IGSF21: variants seen among roughly 807,000 people sequenced by gnomAD.
The protein encoded by IGSF21 is immunoglobulin superfamily member 21.
Under a neutral mutation model 46.8 loss-of-function variants are expected in IGSF21, and 28 were observed. That is an observed-to-expected ratio of 0.60 (90% CI 0.44 to 0.82). IGSF21 has a LOEUF of 0.82. Ranked by LOEUF, IGSF21 falls within the 40% of genes least tolerant of loss-of-function variation. The probability of loss-of-function intolerance (pLI) is 0.00; values close to 1 mark genes in which losing one functional copy is unlikely to be tolerated. For missense variants in IGSF21, 624 were observed against 665.5 expected (o/e 0.94, Z 0.69); for synonymous variants, 284 against 273.6 (o/e 1.04, Z -0.38).
In IGSF21 at chr1:18,147,089, C is replaced by T. The variant is rs545489653; in HGVS notation, c.70+38891C>T. Among the ~76,000 whole-genome samples the T allele has an allele frequency of 2.6e-5, 4 of 152,336 alleles. No individual in the cohort carries two copies. In the East Asian group the frequency reaches 7.7e-4, roughly 29 times the overall value. ...GCCACTGCCACCCCAGCCCAGGCCA[C>T]CACGTGTCCACGCCTGCCATAGCCT... On this transcript the variant is annotated intron_variant, in intron 1 of 9. Transcript: ENST00000251296.
At chr1:18,292,066 C>T in intron 3 of IGSF21, 79 bp downstream of exon 3, 1 of 1,431,700 alleles carries the variant, frequency 7.0e-7, no homozygotes, top group Non-Finnish European at 9.6e-7. Context: ...AGTTCTCCAG[C>T]CCTTTCACAT....
At chr1:18,213,471 C>A (rs969576669) in intron 1 of IGSF21, among the ~76,000 whole-genome samples, 2 of 152,160 alleles carry the variant, frequency 1.3e-5, no homozygotes, top group Non-Finnish European at 2.9e-5. Flanking sequence ...GTCCTCAGAG[C>A]CCTCCCCACC....
intron 1 of IGSF21, among the ~76,000 whole-genome samples, chr1:18,223,254 C>G (rs1213869651): frequency 6.6e-6 from 1 of 152,242 alleles, no homozygotes; most frequent in Non-Finnish European, 1.5e-5. Context: ...AGTCCTTTCC[C>G]CACTCACCTG....
chr1:18,157,652 T>G (rs1381804409), intron 1 of IGSF21, among the ~76,000 whole-genome samples: 1 of 152,198 alleles, frequency 6.6e-6, no homozygotes, highest in African/African-American at 2.4e-5. Context: ...CCAGCCCGTC[T>G]TCCTCCCAGC....
At chr1:18,318,237 C>G (rs949430838) in intron 3 of IGSF21, among the ~76,000 whole-genome samples, 1 of 152,174 alleles carries the variant, frequency 6.6e-6, no homozygotes, top group Non-Finnish European at 1.5e-5. Context: ...CCCCCCGTCC[C>G]AAATTTGCAG....
At chr1:18,362,079 T>G in intron 4 of IGSF21, 36 bp from the exon 5 acceptor site, 617 of 1,429,438 alleles carry the variant, frequency 4.3e-4, no homozygotes, top group Non-Finnish European at 5.6e-4. Flanking sequence ...ATCTCCCAGT[T>G]GAGCCCTTGT....
intron 3 of IGSF21, among the ~76,000 whole-genome samples, chr1:18,311,629 T>A (rs1267981730): frequency 6.6e-6 from 1 of 152,152 alleles, no homozygotes; most frequent in Non-Finnish European, 1.5e-5. Flanking sequence ...TACCCGAGAC[T>A]GGGTAATTTA....
intron 1 of IGSF21, among the ~76,000 whole-genome samples, chr1:18,161,163 G>A (rs563605662): frequency 6.3e-4 from 96 of 152,144 alleles, no homozygotes; most frequent in Admixed American, 2.0e-3. Flanking sequence ...GCCCTCTCCC[G>A]TTTTAGCACG....
chr1:18,120,478 C>T (rs1044365948), intron 1 of IGSF21, among the ~76,000 whole-genome samples: 6 of 152,266 alleles, frequency 3.9e-5, no homozygotes, highest in Admixed American at 2.6e-4. Context: ...GGGAAGAGAA[C>T]GAGCTGGGGT....
chr1:18,318,232 C>T (rs557125046), intron 3 of IGSF21, among the ~76,000 whole-genome samples: 2 of 152,248 alleles, frequency 1.3e-5, no homozygotes, highest in African/African-American at 4.8e-5. Flanking sequence ...CCTGGCCCCC[C>T]GTCCCAAATT....
At chr1:18,289,463 G>A (rs2085246291) in intron 2 of IGSF21, among the ~76,000 whole-genome samples, 1 of 152,218 alleles carries the variant, frequency 6.6e-6, no homozygotes, top group Non-Finnish European at 1.5e-5. Context: ...GAAGCCAGAC[G>A]CTTGTCAGGA....
intron 3 of IGSF21, among the ~76,000 whole-genome samples, chr1:18,330,206 C>T (rs2085698565): frequency 6.6e-6 from 1 of 152,078 alleles, no homozygotes; most frequent in Admixed American, 6.5e-5. Flanking sequence ...AGAAAGAAAA[C>T]AGAAAAGACC....
intron 1 of IGSF21, among the ~76,000 whole-genome samples, chr1:18,161,320 G>T (rs939288224): frequency 3.3e-5 from 5 of 152,068 alleles, no homozygotes; most frequent in Non-Finnish European, 2.9e-5. Context: ...TCCCCATGCC[G>T]CAGAGGAGCA....
At chr1:18,325,328 G>A (rs1283247620) in intron 3 of IGSF21, among the ~76,000 whole-genome samples, 1 of 152,116 alleles carries the variant, frequency 6.6e-6, no homozygotes, top group African/African-American at 2.4e-5. Flanking sequence ...GGTATTTGAG[G>A]TTTGGTGAAG....
intron 2 of IGSF21, among the ~76,000 whole-genome samples, chr1:18,232,096 GA>G (rs2124510383): frequency 6.6e-6 from 1 of 151,864 alleles, no homozygotes; most frequent in African/African-American, 2.4e-5. Context: ...TGTCCAACTT[GA>G]GGATGCTTTT....
intron 3 of IGSF21, among the ~76,000 whole-genome samples, chr1:18,319,158 TCC>T (rs2085574347): frequency 6.6e-6 from 1 of 152,224 alleles, no homozygotes; most frequent in Admixed American, 6.5e-5. Flanking sequence ...GGACTCAAGC[TCC>T]TTCCCTCTTG....
chr1:18,293,888 G>T (rs2085289687), intron 3 of IGSF21, among the ~76,000 whole-genome samples: 1 of 152,154 alleles, frequency 6.6e-6, no homozygotes, highest in South Asian at 2.1e-4. Context: ...GGACCATCTA[G>T]AACATTCCTG....
intron 2 of IGSF21, among the ~76,000 whole-genome samples, chr1:18,256,849 C>T (rs1357487682): frequency 6.6e-6 from 1 of 152,164 alleles, no homozygotes; most frequent in African/African-American, 2.4e-5. Flanking sequence ...CTTTTAGTAC[C>T]AGGGACATGG....
At position 18,377,410 on chromosome 1, in the gene IGSF21, A is replaced by G; in HGVS notation, c.1312A>G (p.Arg438Gly). Residue 438 changes from arginine (R) to glycine (G), a missense_variant, in exon 9 of 10, where the codon AGA becomes GGA. By Grantham distance (125) the Arg-to-Gly change is moderately radical (BLOSUM62 -2). Transcript: ENST00000251296. ...TCCAACAGAAAACCCAAATATCCCA[A>G]GAGGAACGGAGGACTCTAATGGTAA... ...LIVFENPNIPRGTEDSNGSIG... is the reference protein window; with the variant it reads ...LIVFENPNIPGGTEDSNGSIG... 1 of 1,613,698 alleles carries G rather than the reference A, an allele frequency of 6.2e-7. No individual in the cohort carries two copies. The highest frequency in any genetic ancestry group is 8.5e-7 in the Non-Finnish European group (1 of 1,179,604).
Sources: gnomAD v4.1 joint callset for allele counts (sites outside exome capture counted in the v4.1 genomes callset) on GRCh38, gnomAD v4.1.1 for gene constraint, MANE v1.5 for transcripts, NCBI Gene and HGNC (gene_info 2026-07-23, HGNC 2026-07-21) for gene names.